The following BAHCC1 variants were observed in gnomAD, a reference collection of about 807,000 sequenced individuals.
BAHCC1 encodes BAH and coiled-coil domain-containing protein 1.
A neutral mutation model predicts 88.2 loss-of-function variants in BAHCC1; 43 were observed. The ratio of observed to expected loss-of-function variants is 0.49; its 90% CI spans 0.38 to 0.63. The LOEUF is 0.63. BAHCC1 is among the 20% of genes least tolerant of loss of function. The probability of loss-of-function intolerance (pLI) is 0.00; values close to 1 mark genes in which losing one functional copy is unlikely to be tolerated. For synonymous variants in BAHCC1, 1,510 were observed against 745.5 expected (o/e 2.03, Z -16.71); for missense variants, 3,023 against 1,654.8 (o/e 1.83, Z -14.34).
At chr17:81,413,862 C>T (rs1555648214) in intron 2 of BAHCC1, among the ~76,000 whole-genome samples, 1 of 152,202 alleles carries the variant, frequency 6.6e-6, no homozygotes. Flanking sequence ...GCGGCTGTGT[C>T]CTCTGGTCTG....
At position 81,459,163 on chromosome 17, in the gene BAHCC1, C is replaced by T. The variant is rs781876781; in HGVS notation, c.5715C>T (p.Pro1905=). Residue 1905 remains proline (P), a synonymous_variant, in exon 21 of 28, where the codon CCC becomes CCT. Transcript: ENST00000675386. ...YAGSVRTLQP[P]DIYSIVIEGE... is the part of the protein sequence containing the mutation. ...GCAGCGTCAGGACCCTGCAGCCACC[C>T]GACATGTGAGGCCTGGGCATGGTGG... 14 of 768,962 alleles carry T rather than the reference C, an allele frequency of 1.8e-5. No individual in the cohort carries two copies. The highest frequency in any genetic ancestry group is 3.2e-5 in the Non-Finnish European group (13 of 412,216). 47.6% of individuals were successfully genotyped at this position (768,962 alleles called of 1,614,324 possible).
chr17:81,444,766 C>A lies in BAHCC1; in HGVS notation c.2611C>A (p.Pro871Thr). The A allele has an allele frequency of 1.3e-6, 1 of 778,734 alleles. No individual in the cohort carries two copies. The highest frequency in any genetic ancestry group is 1.3e-5 in the South Asian group (1 of 74,588). The allele number at this position is 778,734 out of a possible 1,614,324, so 48.2% of individuals were successfully genotyped here. ...TGTCTTCCCCCTCCCACAGGACGCC[C>A]CCACACAGCTGGTCATCCTGCCCTC... ...PSVFPLPQDAPTQLVILPSEP... is the reference protein window; with the variant it reads ...PSVFPLPQDATTQLVILPSEP... The change falls in exon 8 of 28, where the codon CCC (proline) becomes ACC (threonine). Residue 871 changes from proline to threonine, a missense_variant. Pro to Thr is a conservative substitution (Grantham distance 38, BLOSUM62 -1). Transcript: ENST00000675386.
intron 23 of BAHCC1, among the ~76,000 whole-genome samples, 188 bp downstream of exon 23, chr17:81,459,792 G>A (rs1208623088): frequency 6.6e-6 from 1 of 150,638 alleles, no homozygotes; most frequent in African/African-American, 2.4e-5. Context: ...GAGGGAGGGT[G>A]GGGGCTCCGG....
In BAHCC1 at chr17:81,461,128, C is replaced by T. The variant is rs201674033; in HGVS notation, c.6465C>T (p.Ala2155=). Residue 2155 remains alanine, a synonymous_variant, in exon 26 of 28, where the codon GCC becomes GCT. Transcript: ENST00000675386. ...ATPIFGNGFR[A]DSFSSLASSY... is the part of the protein sequence containing the mutation. ...CCATATTTGGCAACGGCTTCCGCGCCGACTCCTTCAGCAGCCTGGCCAGCT... is the reference window on the plus strand; with the variant it reads ...CCATATTTGGCAACGGCTTCCGCGCTGACTCCTTCAGCAGCCTGGCCAGCT... 1.9e-4 allele frequency: 142 copies of T among 763,714 alleles called. No individual in the cohort carries two copies. In the African/African-American group the frequency reaches 2.1e-3, roughly 11 times the overall value. The allele number at this position is 763,714 out of a possible 1,614,324, so 47.3% of individuals were successfully genotyped here.
At position 81,458,796 on chromosome 17, in the gene BAHCC1, ACTC is replaced by A. The variant is rs1555658264; in HGVS notation, c.5449-13_5449-11del. The A allele has an allele frequency of 1.3e-6, 1 of 759,572 alleles. No homozygotes were observed. The highest frequency in any genetic ancestry group is 2.5e-6 in the Non-Finnish European group (1 of 405,196). 47.1% of individuals were successfully genotyped at this position (759,572 alleles called of 1,614,324 possible). ...CCCGCCTGCACCCCACCCAAGCCTG[ACTC>A]CTCTGGCCCCCAGGGCAAGGGCCGG... On this transcript the variant is annotated splice_polypyrimidine_tract_variant and intron_variant, in intron 19 of 27. Transcript: ENST00000675386.
chr17:81,420,316 C>T (rs2064101077), intron 2 of BAHCC1, among the ~76,000 whole-genome samples: 1 of 152,256 alleles, frequency 6.6e-6, no homozygotes, highest in African/African-American at 2.4e-5. Context: ...CCAGCTCTCA[C>T]CTACTGTGTG....
rs1285390971 is a variant in BAHCC1 at position 81,466,294 on chromosome 17, A to G, written c.*2477A>G. The G allele has an allele frequency of 1.3e-5, 2 of 152,576 alleles. No individual in the cohort carries two copies. Among genetic ancestry groups the G allele is most frequent in the Admixed American group, 6.5e-5 (1 of 15,286 alleles). The allele number at this position is 152,576 out of a possible 1,614,324, so 9.5% of individuals were successfully genotyped here. ...TTTAGTATCAAATTTTTTATTGATA[A>G]CTTGCTTAAGAATAAATATATGGAC... On this transcript the variant is annotated 3_prime_UTR_variant, in exon 28 of 28. Coordinates refer to ENST00000675386, the MANE Select transcript of BAHCC1 (RefSeq NM_001377448.1).
chr17:81,464,143 A>G lies in BAHCC1; in HGVS notation c.*326A>G. 1 of 416,892 alleles carries G rather than the reference A, an allele frequency of 2.4e-6. No homozygotes were observed. The highest frequency in any genetic ancestry group is 4.4e-6 in the Non-Finnish European group (1 of 227,052). 25.8% of individuals were successfully genotyped at this position (416,892 alleles called of 1,614,324 possible). On this transcript the variant is annotated 3_prime_UTR_variant, in exon 28 of 28. Transcript: ENST00000675386. ...TTGAATCCAAGCCATATTCCCTAGT[A>G]CCTCCGACTGTCTCCCACCAGGGAA... is the stretch of plus-strand genomic sequence containing the variant.
chr17:81,408,924 C>A (rs186468272), intron 2 of BAHCC1, among the ~76,000 whole-genome samples: 1 of 152,360 alleles, frequency 6.6e-6, no homozygotes, highest in Admixed American at 6.5e-5. Flanking sequence ...CCGTCTCCTG[C>A]CCCAGTGCAT....
chr17:81,411,251 G>T lies in BAHCC1; in HGVS notation c.178+11334G>T. The stretch of plus-strand genomic sequence containing the variant: ...AGGAGGACTCGCCACCCCCAGTTGA[G>T]CAGCTCCCCTTCTCGGCAGCTCCCA... On this transcript the variant is annotated intron_variant, in intron 2 of 27. Transcript: ENST00000675386. The surrounding 1 kb of genome is among the most constrained non-coding windows in gnomAD (Gnocchi z 6.2). 2.0e-6 allele frequency: 1 copy of T among 500,810 alleles called. No homozygotes were observed. Among genetic ancestry groups the T allele is most frequent in the East Asian group, 5.7e-5 (1 of 17,582 alleles). 31.0% of individuals were successfully genotyped at this position (500,810 alleles called of 1,614,324 possible).
At chr17:81,440,024 C>T (rs1374057597) in intron 4 of BAHCC1, among the ~76,000 whole-genome samples, 1 of 152,164 alleles carries the variant, frequency 6.6e-6, no homozygotes, top group Non-Finnish European at 1.5e-5. Context: ...CAGCCAGCTG[C>T]AGGGGAGCAG....
At chr17:81,424,327 A>C (rs2064149375) in intron 2 of BAHCC1, among the ~76,000 whole-genome samples, 1 of 152,202 alleles carries the variant, frequency 6.6e-6, no homozygotes, top group African/African-American at 2.4e-5. Context: ...CTGGTGCCTC[A>C]TGTATCACCT....
At chr17:81,415,673 A>C (rs1041890827) in intron 2 of BAHCC1, 17 of 424,730 alleles carry the variant, frequency 4.0e-5, no homozygotes, top group Admixed American at 1.3e-4. Flanking sequence ...GAGTGACCTG[A>C]GTCCCCTCGG....
chr17:81,459,479 C>T lies in BAHCC1; in HGVS notation c.5797-17C>T, dbSNP rs782568041. On this transcript the variant is annotated splice_polypyrimidine_tract_variant and intron_variant, in intron 22 of 27. Transcript: ENST00000675386. ...CAGGCCCCACCTGCTCATGGGTCGTCGCCCGCGTTCCTGCAGGTTCTCGAT... is the reference window on the plus strand; with the variant it reads ...CAGGCCCCACCTGCTCATGGGTCGTTGCCCGCGTTCCTGCAGGTTCTCGAT... 32 of 778,494 alleles carry T rather than the reference C, an allele frequency of 4.1e-5. No homozygotes were observed. Among genetic ancestry groups the T allele is most frequent in the East Asian group, 1.2e-4 (5 of 41,224 alleles). The allele number at this position is 778,494 out of a possible 1,614,324, so 48.2% of individuals were successfully genotyped here.
Position 81,399,973 on chromosome 17 carries a change from C to A in BAHCC1, c.178+56C>A. The stretch of plus-strand genomic sequence containing the variant: ...GGGAGCGTTCGAGAGCGGAACAGGG[C>A]GCCCACCCCTCCGCTCCCGGGAGCA... On this transcript the variant is annotated intron_variant, in intron 2 of 27. Coordinates refer to ENST00000675386, the MANE Select transcript of BAHCC1 (RefSeq NM_001377448.1). The surrounding 1 kb of genome is among the most constrained non-coding windows in gnomAD (Gnocchi z 4.5). 2.4e-6 allele frequency: 3 copies of A among 1,244,116 alleles called. No individual in the cohort carries two copies. Among genetic ancestry groups the A allele is most frequent in the Non-Finnish European group, 3.1e-6 (3 of 977,404 alleles). 77.1% of individuals were successfully genotyped at this position (1,244,116 alleles called of 1,614,324 possible). A position where few individuals can be genotyped will look rare whatever the true frequency, so the allele number is the denominator to read the frequency against.
chr17:81,408,447 G>A (rs2063908207), intron 2 of BAHCC1, among the ~76,000 whole-genome samples: 2 of 108,810 alleles, frequency 1.8e-5, no homozygotes, highest in South Asian at 3.4e-4. Context: ...CCTCAGTACC[G>A]TCTCTGCCCA....
At chr17:81,446,614 A>G (rs2143549520) in intron 10 of BAHCC1, 2 of 308,368 alleles carry the variant, frequency 6.5e-6, no homozygotes, top group South Asian at 5.0e-5. Context: ...AGTGACGCGA[A>G]CATGGTTCAC....
chr17:81,459,492 G>A lies in BAHCC1; in HGVS notation c.5797-4G>A. 2.6e-6 allele frequency: 2 copies of A among 779,220 alleles called. No homozygotes were observed. The highest frequency in any genetic ancestry group is 2.4e-5 in the East Asian group (1 of 41,228). The allele number at this position is 779,220 out of a possible 1,614,324, so 48.3% of individuals were successfully genotyped here. A position where few individuals can be genotyped will look rare whatever the true frequency, so the allele number is the denominator to read the frequency against. ...CTCATGGGTCGTCGCCCGCGTTCCTGCAGGTTCTCGATGTGCGGCCACAGT... is the reference window on the plus strand; with the variant it reads ...CTCATGGGTCGTCGCCCGCGTTCCTACAGGTTCTCGATGTGCGGCCACAGT... On this transcript the variant is annotated splice_polypyrimidine_tract_variant and splice_region_variant and intron_variant, in intron 22 of 27. Coordinates refer to ENST00000675386, the MANE Select transcript of BAHCC1 (RefSeq NM_001377448.1).
intron 2 of BAHCC1, among the ~76,000 whole-genome samples, chr17:81,405,464 C>T (rs1186880820): frequency 2.0e-5 from 3 of 152,096 alleles, no homozygotes; most frequent in African/African-American, 4.8e-5. Context: ...TCCCTTTACT[C>T]CCTCCTCTTC....
Sources: gnomAD v4.1 joint callset for allele counts (sites outside exome capture counted in the v4.1 genomes callset) on GRCh38, gnomAD v4.1.1 for gene constraint, Gnocchi (gnomAD v3.1) non-coding constraint, MANE v1.5 for transcripts, NCBI Gene and HGNC (gene_info 2026-07-23, HGNC 2026-07-21) for gene names.